Variants in LPO observed in about 807,000 individuals in gnomAD.
LPO encodes salivary peroxidase.
A neutral mutation model predicts 68.4 loss-of-function variants in LPO; 70 were observed. The observed-to-expected ratio is 1.02, with a 90% CI of 0.84 to 1.25. The LOEUF (loss-of-function observed/expected upper bound fraction) is 1.25. Ranked by LOEUF, LPO falls within the 50% of genes most tolerant of loss-of-function variation. The pLI, the probability that LPO is intolerant of heterozygous loss-of-function variation, is 0.00. For synonymous variants in LPO, 360 were observed against 357.6 expected, an observed-to-expected ratio of 1.01 and a Z score of -0.08; for missense variants, 873 against 908.4, an observed-to-expected ratio of 0.96 and a Z score of 0.50.
chr17:58,254,660 C>A, intron 8 of LPO, 151 bp from the exon 9 acceptor site: 1 of 659,406 alleles, frequency 1.5e-6, no homozygotes. Flanking sequence ...TACCCCCTCC[C>A]CATCCCTATT....
At chr17:58,264,693 C>G (rs1353033144) in intron 9 of LPO, 29 bp from the exon 10 acceptor site, 4 of 1,612,074 alleles carry the variant, frequency 2.5e-6, no homozygotes, top group Non-Finnish European at 3.4e-6. Context: ...TTCTTACACC[C>G]TTTCCTCTTG....
chr17:58,251,471 C>T (rs1384895737), intron 7 of LPO: 2 of 192,750 alleles, frequency 1.0e-5, no homozygotes, highest in Non-Finnish European at 2.2e-5. Context: ...TGGATGAATC[C>T]GAGTGAGCAG....
intron 1 of LPO, among the ~76,000 whole-genome samples, chr17:58,239,338 G>A (rs1001680734): frequency 1.3e-5 from 2 of 151,314 alleles, no homozygotes; most frequent in African/African-American, 2.4e-5. Context: ...AAGCAGGTGT[G>A]TGACCTGTAT....
chr17:58,243,205 G>T (rs968136990), intron 2 of LPO, 150 bp downstream of exon 2: 6 of 690,852 alleles, frequency 8.7e-6, no homozygotes, highest in South Asian at 1.8e-5. Flanking sequence ...CCCTCTGAAG[G>T]CTCTAGGGAA....
chr17:58,267,916 C>A lies in LPO; in HGVS notation c.2061C>A (p.Asn687Lys). Residue 687 changes from asparagine (N) to lysine (K), a missense_variant, in exon 13 of 13, where the codon AAC (asparagine) becomes AAA (lysine). Physicochemically the swap from Asn to Lys is moderately conservative, Grantham distance 94. Coordinates refer to ENST00000262290, the MANE Select transcript of LPO (RefSeq NM_006151.3). Reference protein sequence around the residue: ...TKVPRDPFWANSYPYDFVDCS... With the variant: ...TKVPRDPFWAKSYPYDFVDCS... ...TCCCACGGGACCCATTCTGGGCCAA[C>A]AGCTACCCCTATGACTTCGTGGATT... The A allele has an allele frequency of 5.0e-6, 8 of 1,614,230 alleles. No homozygotes were observed. The highest frequency in any genetic ancestry group is 6.8e-6 in the Non-Finnish European group (8 of 1,180,038).
chr17:58,259,784 A>C (rs1255585206), intron 9 of LPO, among the ~76,000 whole-genome samples: 1 of 152,136 alleles, frequency 6.6e-6, no homozygotes, highest in African/African-American at 2.4e-5. Context: ...GATTCTGTAC[A>C]TGTTTTGTTA....
intron 8 of LPO, among the ~76,000 whole-genome samples, chr17:58,253,022 C>CAAAAAAAAAAAAAAAAAA (rs765890765): frequency 1.3e-4 from 4 of 31,090 alleles, no homozygotes; most frequent in East Asian, 1.8e-3. Flanking sequence ...GACTCCATCT[C>CAAAAAAAAAAAAAAAAAA]AAAAAAAAAA....
At chr17:58,267,724 T>A (rs1181613063) in intron 12 of LPO, 63 bp from the exon 13 acceptor site, 2 of 1,519,180 alleles carry the variant, frequency 1.3e-6, no homozygotes, top group South Asian at 2.3e-5. Flanking sequence ...TTCCTTCCCC[T>A]GTGACAGAGT....
intron 3 of LPO, among the ~76,000 whole-genome samples, chr17:58,246,735 C>G (rs1011838878): frequency 6.6e-6 from 1 of 152,176 alleles, no homozygotes; most frequent in Non-Finnish European, 1.5e-5. Context: ...CTGATGGAGA[C>G]AGTGATGCTC....
rs1012323129 is a variant in LPO at position 58,266,340 on chromosome 17, G to T, written c.1693+14G>T. On this transcript the variant is annotated intron_variant, in intron 11 of 12. Transcript: ENST00000262290. ...ATGGGCAACCTGGTGAGTGTCTGAA[G>T]TCTGGCCTGCACTGGGGAAATTTTA... 3 of 1,613,384 alleles carry T rather than the reference G, an allele frequency of 1.9e-6. No homozygotes were observed. Among genetic ancestry groups the T allele is most frequent in the Non-Finnish European group, 2.5e-6 (3 of 1,179,890 alleles).
At chr17:58,251,953 A>T (rs1969966317) in intron 7 of LPO, 1 of 741,674 alleles carries the variant, frequency 1.3e-6, no homozygotes, top group Non-Finnish European at 2.5e-6. Flanking sequence ...CACTGTGAGG[A>T]CTGAATGATT....
chr17:58,251,578 C>T (rs1158018117), intron 7 of LPO: 2 of 251,136 alleles, frequency 8.0e-6, no homozygotes, highest in South Asian at 9.9e-5. Context: ...AGAGTCATTT[C>T]TTCACTCAAA....
At position 58,267,616 on chromosome 17, in the gene LPO, G is replaced by C. The variant is rs780410730; in HGVS notation, c.1931+30G>C. On this transcript the variant is annotated intron_variant, in intron 12 of 12. Transcript: ENST00000262290. The stretch of plus-strand genomic sequence containing the variant: ...GTGCGTCCTCAGCCAGGGAGGGAAG[G>C]GCAGGGCCCTTCTCCAAGAGGGGTG... 1.9e-6 allele frequency: 3 copies of C among 1,573,354 alleles called. No homozygotes were observed. The South Asian group carries it at 3.5e-5, about 18-fold the overall frequency.
At chr17:58,242,907 CT>C in intron 1 of LPO, 70 bp from the exon 2 acceptor site, 1 of 1,341,616 alleles carries the variant, frequency 7.5e-7, no homozygotes, top group Non-Finnish European at 1.1e-6. Context: ...GCTTTCTCTG[CT>C]TTCTGTGGTT....
In LPO at chr17:58,268,227, G is replaced by A; in HGVS notation, c.*233G>A. On this transcript the variant is annotated 3_prime_UTR_variant, in exon 13 of 13. Coordinates refer to ENST00000262290, the MANE Select transcript of LPO (RefSeq NM_006151.3). ...CTTTCTGTCAAGACTTAGCCCCGCTGAGATGCCCTTCTGCTCCAGCTTGCT... is the reference window on the plus strand; with the variant it reads ...CTTTCTGTCAAGACTTAGCCCCGCTAAGATGCCCTTCTGCTCCAGCTTGCT... The A allele has an allele frequency of 3.7e-6, 2 of 547,356 alleles. No homozygotes were observed. The highest frequency in any genetic ancestry group is 4.2e-5 in the South Asian group (2 of 48,162). 33.9% of individuals were successfully genotyped at this position (547,356 alleles called of 1,614,324 possible).
intron 9 of LPO, among the ~76,000 whole-genome samples, chr17:58,256,407 GT>G (rs34122568): frequency 0.086 from 11,969 of 138,448 alleles, 538 homozygotes; most frequent in African/African-American, 0.13. Flanking sequence ...ATTTTTAGGT[GT>G]TTTTTTTTTT....
intron 9 of LPO, among the ~76,000 whole-genome samples, chr17:58,257,312 G>A (rs1970091861): frequency 6.6e-6 from 1 of 151,950 alleles, no homozygotes. Context: ...CAGGGATCTG[G>A]TAACCATCTT....
At chr17:58,262,701 T>A (rs1025402387) in intron 9 of LPO, among the ~76,000 whole-genome samples, 1 of 152,194 alleles carries the variant, frequency 6.6e-6, no homozygotes, top group Non-Finnish European at 1.5e-5. Flanking sequence ...CCCTTTACCA[T>A]TACTTGAATT....
In LPO at chr17:58,254,974, A is replaced by T. The variant is rs1366746019; in HGVS notation, c.1266+3A>T. On this transcript the variant is annotated splice_donor_region_variant and intron_variant, in intron 9 of 12. Coordinates refer to ENST00000262290, the MANE Select transcript of LPO (RefSeq NM_006151.3). ...AAATCCTGGGAGCCTTCGTGCAGGT[A>T]GGGAGTCCCAGGAGCACTGTCACCT... is the stretch of plus-strand genomic sequence containing the variant. 6.2e-7 allele frequency: 1 copy of T among 1,613,390 alleles called. No individual in the cohort carries two copies. Among genetic ancestry groups the T allele is most frequent in the Non-Finnish European group, 8.5e-7 (1 of 1,179,568 alleles).
Sources: gnomAD v4.1 joint callset for allele counts (sites outside exome capture counted in the v4.1 genomes callset) on GRCh38, gnomAD v4.1.1 for gene constraint, MANE v1.5 for transcripts, NCBI Gene and HGNC (gene_info 2026-07-23, HGNC 2026-07-21) for gene names.